Variants in SCAPER observed in about 807,000 individuals in gnomAD.
SCAPER encodes the protein S phase cyclin A-associated protein in the endoplasmic reticulum.
SCAPER carries 98 observed loss-of-function variants against 182.2 expected under a neutral mutation model. That is an observed-to-expected ratio of 0.54 (90% CI 0.46 to 0.64). The LOEUF is 0.64. Among genes scored for constraint, SCAPER ranks in the 30% least tolerant of loss-of-function variants. SCAPER has a pLI of 0.00. For missense variants in SCAPER, 1,432 were observed against 1,690.0 expected (o/e 0.85, Z 2.68); for synonymous variants, 605 against 564.6 (o/e 1.07, Z -1.01).
chr15:76,514,838 T>C (rs1217258139), intron 23 of SCAPER, among the ~76,000 whole-genome samples: 3 of 152,228 alleles, frequency 2.0e-5, no homozygotes, highest in Non-Finnish European at 2.9e-5. Context: ...TTTCCACTTT[T>C]CTACTATCCT....
intron 24 of SCAPER, among the ~76,000 whole-genome samples, chr15:76,496,393 G>A (rs529999834): frequency 6.6e-6 from 1 of 152,098 alleles, no homozygotes; most frequent in Non-Finnish European, 1.5e-5. Context: ...ACCAGTCTGG[G>A]ACACTAAGTC....
At chr15:76,398,244 A>G (rs1026067326) in intron 27 of SCAPER, among the ~76,000 whole-genome samples, 2 of 152,188 alleles carry the variant, frequency 1.3e-5, no homozygotes, top group Admixed American at 6.5e-5. Context: ...AACTCCATCA[A>G]TGACAATGGT....
rs1000006348 is a variant in SCAPER, at chr15:76,502,576, G to C, written c.2954+2283C>G. On this transcript the variant is annotated intron_variant, in intron 24 of 31. Transcript: ENST00000563290. ...ATCACACACCGGGGCCTGTCGTGGG[G>C]TGGGAGGAGGGGGGAGGGATAGCAT... 4.6e-5 allele frequency among the ~76,000 whole-genome samples: 7 copies of C among 151,476 alleles called. No homozygotes were observed. The South Asian group carries it at 1.5e-3, about 32-fold the overall frequency.
intron 20 of SCAPER, among the ~76,000 whole-genome samples, chr15:76,699,935 C>G (rs1243888590): frequency 6.6e-6 from 1 of 152,174 alleles, no homozygotes; most frequent in African/African-American, 2.4e-5. Flanking sequence ...GTGGCAAAGT[C>G]CATGCAGCTG....
At chr15:76,456,229 C>T (rs186025072) in intron 25 of SCAPER, among the ~76,000 whole-genome samples, 11 of 152,244 alleles carry the variant, frequency 7.2e-5, no homozygotes, top group African/African-American at 2.6e-4. Context: ...GTTCTAGATC[C>T]TTGGGGAATT....
At chr15:76,769,259 G>A (rs71405225) in intron 10 of SCAPER, among the ~76,000 whole-genome samples, 57,724 of 151,146 alleles carry the variant, frequency 0.38, 12,978 homozygotes, top group Middle Eastern at 0.53. Flanking sequence ...TGGCTAACAT[G>A]GTGAAACCCC....
At position 76,599,529 on chromosome 15, in the gene SCAPER, A is replaced by T. The variant is rs1330132410; in HGVS notation, c.2711+22235T>A. 1.6e-5 allele frequency among the ~76,000 whole-genome samples: 2 copies of T among 122,496 alleles called. 1 individual carries two copies. Among genetic ancestry groups the T allele is most frequent in the Non-Finnish European group, 4.0e-5 (2 of 50,386 alleles). 80.4% of individuals were successfully genotyped at this position (122,496 alleles called of 152,430 possible). A position where few individuals can be genotyped will look rare whatever the true frequency, so the allele number is the denominator to read the frequency against. Reference sequence around the variant, plus strand: ...ACAAATCAAGGCTACATTTACTCATAGGAGTACTGTCCAGCAATAAAAAGG... The same window carrying T: ...ACAAATCAAGGCTACATTTACTCATTGGAGTACTGTCCAGCAATAAAAAGG... On this transcript the variant is annotated intron_variant, in intron 22 of 31. Transcript: ENST00000563290.
chr15:76,871,546 C>T (rs1438139779), intron 2 of SCAPER, among the ~76,000 whole-genome samples: 7 of 148,488 alleles, frequency 4.7e-5, no homozygotes, highest in Non-Finnish European at 8.9e-5. Context: ...CAAGGAGCTG[C>T]GGCTGGCGTT....
intron 20 of SCAPER, among the ~76,000 whole-genome samples, chr15:76,685,177 G>A (rs1442260572): frequency 6.6e-6 from 1 of 151,932 alleles, no homozygotes; most frequent in African/African-American, 2.4e-5. Flanking sequence ...TTCCTTAACT[G>A]AAAAGACTAG....
chr15:76,421,122 T>C (rs2046006093), intron 26 of SCAPER, among the ~76,000 whole-genome samples: 1 of 152,246 alleles, frequency 6.6e-6, no homozygotes, highest in Admixed American at 6.5e-5. Flanking sequence ...TTATAATCCT[T>C]TGGGTATATA....
chr15:76,392,884 C>T (rs1415987098), intron 27 of SCAPER, among the ~76,000 whole-genome samples: 1 of 152,226 alleles, frequency 6.6e-6, no homozygotes, highest in African/African-American at 2.4e-5. Context: ...ATCCTGGACA[C>T]ATTCTGCTCC....
At chr15:76,690,580 T>C (rs1490170469) in intron 20 of SCAPER, among the ~76,000 whole-genome samples, 1 of 152,144 alleles carries the variant, frequency 6.6e-6, no homozygotes, top group Non-Finnish European at 1.5e-5. Flanking sequence ...ATATAAGATA[T>C]AAATAACAGG....
chr15:76,581,468 ATGAG>A (rs2048266552), intron 22 of SCAPER, among the ~76,000 whole-genome samples: 2 of 152,200 alleles, frequency 1.3e-5, no homozygotes, highest in Admixed American at 1.3e-4. Flanking sequence ...TTGTGACCAA[ATGAG>A]ATTTATCCCA....
chr15:76,400,004 CAAAA>C (rs11286576), intron 27 of SCAPER, among the ~76,000 whole-genome samples: 5 of 114,716 alleles, frequency 4.4e-5, no homozygotes, highest in Non-Finnish European at 7.5e-5. Flanking sequence ...GACTCCGTCT[CAAAA>C]AAAAAAAAAA....
chr15:76,889,792 A>G (rs1216128586), intron 1 of SCAPER, among the ~76,000 whole-genome samples: 1 of 152,188 alleles, frequency 6.6e-6, no homozygotes, highest in Non-Finnish European at 1.5e-5. Flanking sequence ...GATATCCAGG[A>G]CTTGAACTCA....
chr15:76,463,140 C>T (rs1027535957), intron 25 of SCAPER, among the ~76,000 whole-genome samples: 3 of 152,026 alleles, frequency 2.0e-5, no homozygotes, highest in South Asian at 4.1e-4. Context: ...GAAAAGGCAA[C>T]GTGTCCTAGA....
chr15:76,708,225 T>C (rs963453587), intron 17 of SCAPER, among the ~76,000 whole-genome samples: 1 of 152,216 alleles, frequency 6.6e-6, no homozygotes, highest in African/African-American at 2.4e-5. Context: ...GTAGTTGTTA[T>C]ACTGTACTTT....
chr15:76,844,386 G>A (rs1599050672), intron 4 of SCAPER, among the ~76,000 whole-genome samples: 1 of 151,478 alleles, frequency 6.6e-6, no homozygotes, highest in African/African-American at 2.4e-5. Context: ...AAAACCTATG[G>A]ACTTATCCCC....
At chr15:76,807,678 C>T (rs2066274785) in intron 5 of SCAPER, among the ~76,000 whole-genome samples, 1 of 112,140 alleles carries the variant, frequency 8.9e-6, no homozygotes, top group Non-Finnish European at 1.7e-5. Flanking sequence ...TGCTATCCCT[C>T]CCCCCTCCCC....
Sources: allele counts gnomAD v4.1 joint callset (sites outside exome capture counted in the v4.1 genomes callset), GRCh38; gene constraint gnomAD v4.1.1; transcripts MANE v1.5; gene names NCBI Gene and HGNC (gene_info 2026-07-23, HGNC 2026-07-21).